Variants in SPDYE1 observed in about 807,000 individuals in gnomAD.
SPDYE1 encodes the protein speedy/RINGO cell cycle regulator family member E1.
Under a neutral mutation model 45.9 loss-of-function variants are expected in SPDYE1, and 29 were observed. The ratio of observed to expected loss-of-function variants is 0.63; its 90% CI spans 0.47 to 0.86. The LOEUF (loss-of-function observed/expected upper bound fraction) is 0.86. Among genes scored for constraint, SPDYE1 ranks in the 40% least tolerant of loss-of-function variants. The probability of loss-of-function intolerance (pLI) is 0.00; values close to 1 mark genes in which losing one functional copy is unlikely to be tolerated. For synonymous variants in SPDYE1, 134 were observed against 176.8 expected, an observed-to-expected ratio of 0.76 and a Z score of 1.92; for missense variants, 346 against 481.4, an observed-to-expected ratio of 0.72 and a Z score of 2.63.
chr7:44,000,159 G>A (rs1244570530), intron 2 of SPDYE1, 50 bp downstream of exon 2: 3 of 982,112 alleles, frequency 3.1e-6, no homozygotes, highest in Admixed American at 1.2e-4. Context: ...CTAAGACGAA[G>A]GAAGGGGGCC....
chr7:44,000,548 T>C (rs544491155), intron 2 of SPDYE1, among the ~76,000 whole-genome samples: 5 of 151,648 alleles, frequency 3.3e-5, no homozygotes, highest in South Asian at 2.1e-4. Context: ...CCCCAGAACT[T>C]TGGGAGGCCA....
Position 43,997,960 on chromosome 7 carries a change from G to A in SPDYE1, c.-423+1G>A, listed in dbSNP as rs2096057741. On this transcript the variant is annotated splice_donor_variant, in intron 1 of 8. Transcript: ENST00000693451. LOFTEE classifies it low-confidence loss of function (5UTR_SPLICE). Reference sequence around the variant, plus strand: ...CTTTGTGCAGGGAGGGGAAATGCAGGTGACTCAGCCCCTATTCCTCCATCA... The same window carrying A: ...CTTTGTGCAGGGAGGGGAAATGCAGATGACTCAGCCCCTATTCCTCCATCA... Among the ~76,000 whole-genome samples the A allele has an allele frequency of 6.6e-6, 1 of 152,212 alleles. No individual in the cohort carries two copies. The highest frequency in any genetic ancestry group is 1.5e-5 in the Non-Finnish European group (1 of 68,036).
At chr7:44,003,527 C>A (rs2096066903) in intron 4 of SPDYE1, among the ~76,000 whole-genome samples, 1 of 152,080 alleles carries the variant, frequency 6.6e-6, no homozygotes, top group African/African-American at 2.4e-5. Context: ...TGATGTGTGA[C>A]TGTCTCATGA....
chr7:44,007,990 A>T lies in SPDYE1; in HGVS notation c.*45+177A>T. On this transcript the variant is annotated intron_variant, in intron 8 of 8. Coordinates refer to ENST00000693451, the MANE Select transcript of SPDYE1 (RefSeq NM_001378423.2). ...GCATCTCTACTCCCAACTACTCAGG[A>T]GGCCGAGGCGGGAGGATTGCTGGAG... 6.2e-6 allele frequency: 9 copies of T among 1,463,390 alleles called. No homozygotes were observed. In the South Asian group the frequency reaches 1.2e-4, roughly 20 times the overall value. The allele number at this position is 1,463,390 out of a possible 1,614,324, so 90.7% of individuals were successfully genotyped here. A position where few individuals can be genotyped will look rare whatever the true frequency, so the allele number is the denominator to read the frequency against.
In SPDYE1 at chr7:43,998,270, G is replaced by A. The variant is rs2096058120; in HGVS notation, c.-423+311G>A. On this transcript the variant is annotated intron_variant, in intron 1 of 8. Transcript: ENST00000693451. Reference sequence around the variant, plus strand: ...CTTTTCTATGAGCGAGAGACTCCTAGGAAAGCAGCAGCCCATCAGGAAAAC... The same window carrying A: ...CTTTTCTATGAGCGAGAGACTCCTAAGAAAGCAGCAGCCCATCAGGAAAAC... 3.9e-5 allele frequency among the ~76,000 whole-genome samples: 6 copies of A among 152,148 alleles called. No homozygotes were observed. The South Asian group carries it at 1.2e-3, about 32-fold the overall frequency.
Position 44,007,068 on chromosome 7 carries a change from C to T in SPDYE1, c.753-200C>T. The T allele has an allele frequency of 4.4e-6, 6 of 1,367,024 alleles. No homozygotes were observed. In the South Asian group the frequency reaches 8.9e-5, roughly 20 times the overall value. The allele number at this position is 1,367,024 out of a possible 1,614,324, so 84.7% of individuals were successfully genotyped here. On this transcript the variant is annotated intron_variant, in intron 6 of 8. Transcript: ENST00000693451. ...TCTTGGCCACCAGTTGGGTTTTTGT[C>T]TCCATCCTGAAGGAGTGGGAGACGC...
chr7:44,002,953 C>G (rs2096065912), intron 4 of SPDYE1, 136 bp downstream of exon 4: 4 of 556,856 alleles, frequency 7.2e-6, no homozygotes, highest in Admixed American at 3.4e-5. Flanking sequence ...GTGAAGTGAT[C>G]ACTCATGAGG....
At chr7:44,000,827 CAGAG>C in intron 2 of SPDYE1, 1 of 1,107,906 alleles carries the variant, frequency 9.0e-7, no homozygotes, top group Non-Finnish European at 1.1e-6. Context: ...AGGAGGGACT[CAGAG>C]AGCCAGGGAC....
At chr7:44,001,624 A>C (rs990355061) in intron 3 of SPDYE1, among the ~76,000 whole-genome samples, 26 of 152,222 alleles carry the variant, frequency 1.7e-4, no homozygotes, top group Admixed American at 9.2e-4. Flanking sequence ...ACTGCACTCC[A>C]GCCTGGGTGA....
At chr7:43,999,121 G>C (rs71548214) in intron 1 of SPDYE1, among the ~76,000 whole-genome samples, 4 of 152,088 alleles carry the variant, frequency 2.6e-5, no homozygotes, top group Non-Finnish European at 4.4e-5. Context: ...CGAACTGGAG[G>C]GGCTGGCTTA....
At position 43,998,674 on chromosome 7, in the gene SPDYE1, C is replaced by CA. The variant is rs1164518167; in HGVS notation, c.-423+724dup. Among the ~76,000 whole-genome samples the CA allele has an allele frequency of 3.4e-5, 4 of 118,886 alleles. 1 individual carries two copies. The East Asian group carries it at 1.0e-3, about 31-fold the overall frequency. 78.0% of individuals were successfully genotyped at this position (118,886 alleles called of 152,430 possible). A position where few individuals can be genotyped will look rare whatever the true frequency, so the allele number is the denominator to read the frequency against. On this transcript the variant is annotated intron_variant, in intron 1 of 8. Coordinates refer to ENST00000693451, the MANE Select transcript of SPDYE1 (RefSeq NM_001378423.2). ...GTCATGTAACTCTTTTATTTTTTATCAAAAAAAAATTTTTTGACACAGTAT... is the reference window on the plus strand; with the variant it reads ...GTCATGTAACTCTTTTATTTTTTATCAAAAAAAAAATTTTTTGACACAGTAT...
Position 44,003,836 on chromosome 7 carries a change from C to T in SPDYE1, c.608-17C>T. 3.3e-6 allele frequency: 3 copies of T among 901,096 alleles called. No homozygotes were observed. Among genetic ancestry groups the T allele is most frequent in the Non-Finnish European group, 3.3e-6 (2 of 597,580 alleles). The allele number at this position is 901,096 out of a possible 1,614,324, so 55.8% of individuals were successfully genotyped here. A position where few individuals can be genotyped will look rare whatever the true frequency, so the allele number is the denominator to read the frequency against. ...CCTGTCCTGCTTCTCACACTGACAT[C>T]TGCTCTCTAATCACAGAGGATCCTG... On this transcript the variant is annotated splice_polypyrimidine_tract_variant and intron_variant, in intron 4 of 8. Coordinates refer to ENST00000693451, the MANE Select transcript of SPDYE1 (RefSeq NM_001378423.2).
At chr7:44,006,058 T>C (rs1185294376) in intron 6 of SPDYE1, among the ~76,000 whole-genome samples, 1 of 152,190 alleles carries the variant, frequency 6.6e-6, no homozygotes, top group African/African-American at 2.4e-5. Flanking sequence ...ACAACTTCCT[T>C]AGCTGATGCC....
intron 4 of SPDYE1, 115 bp downstream of exon 4, chr7:44,002,932 G>A: frequency 4.9e-6 from 3 of 611,928 alleles, no homozygotes; most frequent in Non-Finnish European, 8.1e-6. Flanking sequence ...AGCTCTCCAT[G>A]TGGGAGGAAT....
At position 43,999,822 on chromosome 7, in the gene SPDYE1, C is replaced by T; in HGVS notation, c.-128C>T. ...GACCTTCCTGATTGGAGGGACCGGA[C>T]TCCGTGGTGCCTGGAGATCAGTTGG... On this transcript the variant is annotated 5_prime_UTR_variant, in exon 2 of 9. Transcript: ENST00000693451. The T allele has an allele frequency of 1.1e-6, 1 of 870,394 alleles. No individual in the cohort carries two copies. The highest frequency in any genetic ancestry group is 1.4e-6 in the Non-Finnish European group (1 of 730,478). The allele number at this position is 870,394 out of a possible 1,614,324, so 53.9% of individuals were successfully genotyped here.
chr7:44,009,458 G>A lies in SPDYE1; in HGVS notation c.*837G>A, dbSNP rs1365522456. 2 of 151,602 alleles carry A rather than the reference G, an allele frequency of 1.3e-5. No homozygotes were observed. The highest frequency in any genetic ancestry group is 2.9e-5 in the Non-Finnish European group (2 of 67,958). 9.4% of individuals were successfully genotyped at this position (151,602 alleles called of 1,614,324 possible). On this transcript the variant is annotated 3_prime_UTR_variant, in exon 9 of 9. Coordinates refer to ENST00000693451, the MANE Select transcript of SPDYE1 (RefSeq NM_001378423.2). ...ATAGAAATTTTTATTTGCTGTTTAG[G>A]TTTGTGACTGAATTGTGAGAATTCA...
chr7:43,999,137 T>A (rs2096059192), intron 1 of SPDYE1, among the ~76,000 whole-genome samples: 1 of 152,136 alleles, frequency 6.6e-6, no homozygotes, highest in African/African-American at 2.4e-5. Flanking sequence ...GCTTAGGTAA[T>A]CCATGGATTC....
At chr7:44,004,223 C>T (rs1250163069) in intron 5 of SPDYE1, 7 of 467,736 alleles carry the variant, frequency 1.5e-5, no homozygotes, top group South Asian at 1.1e-4. Flanking sequence ...TTAGTAGAAA[C>T]GGGGTTTTGC....
chr7:44,008,148 AG>A (rs1439776793), intron 8 of SPDYE1, among the ~76,000 whole-genome samples: 2 of 152,212 alleles, frequency 1.3e-5, no homozygotes, highest in African/African-American at 4.8e-5. Context: ...GACGCACTTG[AG>A]TTACCGATTT....
Sources: allele counts gnomAD v4.1 joint callset (sites outside exome capture counted in the v4.1 genomes callset), GRCh38; gene constraint gnomAD v4.1.1; transcripts MANE v1.5; gene names NCBI Gene and HGNC (gene_info 2026-07-23, HGNC 2026-07-21).